Variants in NEGR1 observed in about 807,000 individuals in gnomAD.
NEGR1 encodes the protein neuronal growth regulator 1.
NEGR1 carries 10 observed loss-of-function variants against 40.9 expected under a neutral mutation model. The observed-to-expected ratio is 0.24, with a 90% confidence interval of 0.15 to 0.42. The LOEUF (loss-of-function observed/expected upper bound fraction) is 0.42, where lower values mean the gene tolerates loss of function less well. Among genes scored for constraint, NEGR1 ranks in the 10% least tolerant of loss-of-function variants. The pLI is 1.00. For synonymous variants in NEGR1, 185 were observed against 166.8 expected (o/e 1.11, Z -0.84); for missense variants, 352 against 438.9 (o/e 0.80, Z 1.77).
At chr1:72,224,330 T>C (rs975922759) in intron 1 of NEGR1, among the ~76,000 whole-genome samples, 4 of 151,404 alleles carry the variant, frequency 2.6e-5, no homozygotes, top group African/African-American at 9.7e-5. Flanking sequence ...TTTTTTCTAA[T>C]GCATGACCAT....
At chr1:72,180,497 G>A (rs538031708) in intron 1 of NEGR1, among the ~76,000 whole-genome samples, 2 of 151,696 alleles carry the variant, frequency 1.3e-5, no homozygotes, top group Admixed American at 6.6e-5. Flanking sequence ...CTTCTGCATA[G>A]TAAAGGAAAC....
intron 2 of NEGR1, among the ~76,000 whole-genome samples, chr1:71,789,255 C>T (rs1033744993): frequency 6.6e-6 from 1 of 152,068 alleles, no homozygotes; most frequent in African/African-American, 2.4e-5. Flanking sequence ...AAACAAATGT[C>T]TCTTTTTGTA....
At chr1:72,254,446 T>A (rs1416860700) in intron 1 of NEGR1, among the ~76,000 whole-genome samples, 1 of 152,104 alleles carries the variant, frequency 6.6e-6, no homozygotes, top group East Asian at 1.9e-4. Context: ...CTCACGCCTG[T>A]GATCCCAGCA....
At chr1:71,968,149 C>G (rs1383259019) in intron 1 of NEGR1, among the ~76,000 whole-genome samples, 1 of 151,984 alleles carries the variant, frequency 6.6e-6, no homozygotes, top group Admixed American at 6.5e-5. Context: ...TCAATTTTTC[C>G]CTTCAGAAAT....
intron 1 of NEGR1, among the ~76,000 whole-genome samples, chr1:72,209,283 T>C (rs572674065): frequency 6.6e-6 from 1 of 151,804 alleles, no homozygotes; most frequent in African/African-American, 2.4e-5. Context: ...AACCTGAAAA[T>C]ATATTTGACT....
chr1:72,003,227 C>T lies in NEGR1; in HGVS notation c.177-67916G>A, dbSNP rs532814247. On this transcript the variant is annotated intron_variant, in intron 1 of 6. Coordinates refer to ENST00000357731, the MANE Select transcript of NEGR1 (RefSeq NM_173808.3). ...TTTAAGCCCTATCTGAGTGTTGGGT[C>T]GGAGGTTAGGCTTGACAATCTAGAG... is the stretch of plus-strand genomic sequence containing the variant. Among the ~76,000 whole-genome samples the T allele has an allele frequency of 1.6e-4, 24 of 151,032 alleles. 1 individual carries two copies. The highest frequency in any genetic ancestry group is 5.8e-4 in the African/African-American group (24 of 41,112).
intron 2 of NEGR1, among the ~76,000 whole-genome samples, chr1:71,904,449 G>T (rs924651049): frequency 2.2e-4 from 33 of 152,034 alleles, no homozygotes; most frequent in African/African-American, 8.0e-4. Context: ...AATTTCCATA[G>T]TAGAGACAGA....
At chr1:71,610,990 G>A in intron 5 of NEGR1, 36 bp downstream of exon 5, 1 of 1,595,858 alleles carries the variant, frequency 6.3e-7, no homozygotes, top group Non-Finnish European at 8.6e-7. Context: ...TTAGCTCAAA[G>A]TGCTTAGAAC....
At chr1:72,015,414 T>A (rs1646700607) in intron 1 of NEGR1, among the ~76,000 whole-genome samples, 1 of 152,152 alleles carries the variant, frequency 6.6e-6, no homozygotes, top group African/African-American at 2.4e-5. Context: ...TCCATAACTA[T>A]GCTATTCAAC....
At chr1:71,413,193 A>T (rs995024192) in intron 6 of NEGR1, among the ~76,000 whole-genome samples, 1 of 152,144 alleles carries the variant, frequency 6.6e-6, no homozygotes, top group Admixed American at 6.6e-5. Context: ...ATGTGTTGTT[A>T]TCTATAAACC....
At chr1:71,535,428 G>A (rs1647482499) in intron 6 of NEGR1, among the ~76,000 whole-genome samples, 1 of 151,708 alleles carries the variant, frequency 6.6e-6, no homozygotes, top group Non-Finnish European at 1.5e-5. Context: ...AATTGCTTAT[G>A]TAAAGCCACA....
At chr1:71,446,492 A>C (rs976839899) in intron 6 of NEGR1, among the ~76,000 whole-genome samples, 5 of 152,184 alleles carry the variant, frequency 3.3e-5, no homozygotes, top group African/African-American at 9.6e-5. Flanking sequence ...TGTGCACAAT[A>C]CTATTGAGAA....
intron 6 of NEGR1, among the ~76,000 whole-genome samples, chr1:71,536,727 C>T (rs758570128): frequency 6.6e-5 from 10 of 151,624 alleles, no homozygotes; most frequent in Admixed American, 3.9e-4. Flanking sequence ...AGATCAAGAT[C>T]TTAAAATTTT....
At chr1:71,717,558 T>G (rs964118178) in intron 3 of NEGR1, among the ~76,000 whole-genome samples, 5 of 152,176 alleles carry the variant, frequency 3.3e-5, no homozygotes, top group African/African-American at 4.8e-5. Context: ...AGGGACTTAA[T>G]CTACTAGTAT....
intron 4 of NEGR1, among the ~76,000 whole-genome samples, chr1:71,673,774 C>CA (rs1652517091): frequency 6.9e-6 from 1 of 145,512 alleles, no homozygotes; most frequent in African/African-American, 2.5e-5. Flanking sequence ...AGCAGAAGCC[C>CA]ATATGCATTT....
chr1:71,879,063 G>A (rs1660510927), intron 2 of NEGR1, among the ~76,000 whole-genome samples: 1 of 151,930 alleles, frequency 6.6e-6, no homozygotes, highest in Non-Finnish European at 1.5e-5. Flanking sequence ...AACCCGGGAG[G>A]CAGAGGTTGT....
intron 1 of NEGR1, among the ~76,000 whole-genome samples, chr1:72,180,164 A>C (rs1652312423): frequency 6.6e-6 from 1 of 152,072 alleles, no homozygotes; most frequent in African/African-American, 2.4e-5. Flanking sequence ...ACAGTATTTT[A>C]CTGGCACAAA....
chr1:71,632,182 T>G (rs1159626584), intron 4 of NEGR1, among the ~76,000 whole-genome samples: 1 of 151,774 alleles, frequency 6.6e-6, no homozygotes, highest in East Asian at 1.9e-4. Context: ...TACATCTTCC[T>G]AAAATCCTTC....
intron 4 of NEGR1, among the ~76,000 whole-genome samples, chr1:71,674,382 C>A (rs532141744): frequency 6.6e-6 from 1 of 152,136 alleles, no homozygotes; most frequent in East Asian, 1.9e-4. Flanking sequence ...CCAGGACACA[C>A]TGATACTGCC....
Sources: allele counts gnomAD v4.1 joint callset (sites outside exome capture counted in the v4.1 genomes callset), GRCh38; gene constraint gnomAD v4.1.1; transcripts MANE v1.5; gene names NCBI Gene and HGNC (gene_info 2026-07-23, HGNC 2026-07-21).